The following GTF2I variants were observed in gnomAD, a reference collection of about 807,000 sequenced individuals.
The protein encoded by GTF2I is general transcription factor II-I.
GTF2I carries 12 observed loss-of-function variants against 67.6 expected under a neutral mutation model. The observed-to-expected ratio is 0.18, with a 90% confidence interval of 0.11 to 0.29. The LOEUF (loss-of-function observed/expected upper bound fraction) is 0.29. Among genes scored for constraint, GTF2I ranks in the 10% least tolerant of loss-of-function variants. The probability of loss-of-function intolerance (pLI) is 1.00; values close to 1 mark genes in which losing one functional copy is unlikely to be tolerated. For synonymous variants in GTF2I, 149 were observed against 197.0 expected, an observed-to-expected ratio of 0.76 and a Z score of 2.04; for missense variants, 271 against 580.1, an observed-to-expected ratio of 0.47 and a Z score of 5.47.
intron 12 of GTF2I, among the ~76,000 whole-genome samples, chr7:74,725,920 C>G (rs1554405589): frequency 6.7e-6 from 1 of 149,526 alleles, no homozygotes; most frequent in African/African-American, 2.5e-5. Context: ...CTATTGTGGT[C>G]TAAAATGTTT....
At chr7:74,720,126 T>G (rs1378931579) in intron 12 of GTF2I, among the ~76,000 whole-genome samples, 1 of 152,244 alleles carries the variant, frequency 6.6e-6, no homozygotes, top group Admixed American at 6.5e-5. Flanking sequence ...ATAATTGCAG[T>G]ACATATCTTG....
intron 7 of GTF2I, among the ~76,000 whole-genome samples, chr7:74,705,655 G>C (rs587713695): frequency 6.6e-6 from 1 of 151,712 alleles, no homozygotes; most frequent in South Asian, 2.1e-4. Context: ...ACCCCCTGCT[G>C]GGTTCAAGCG....
chr7:74,732,176 T>C (rs1346250197), intron 14 of GTF2I, among the ~76,000 whole-genome samples: 2 of 148,704 alleles, frequency 1.3e-5, no homozygotes, highest in East Asian at 3.9e-4. Flanking sequence ...CACATATACA[T>C]ATATATATAA....
chr7:74,670,699 CAAAAAAAAAACAA>C (rs1414519640), intron 1 of GTF2I, among the ~76,000 whole-genome samples: 10 of 91,032 alleles, frequency 1.1e-4, no homozygotes, highest in Non-Finnish European at 2.2e-4. Context: ...CAAAAAAAAA[CAAAAAAAAAACAA>C]AAAAAAAAAA....
chr7:74,714,873 T>G lies in GTF2I; in HGVS notation c.780T>G (p.Thr260=). ...ATCCCAAAGCAGGCCCTTCTGAAAC[T>G]GATGATGTTGATGAAAAACAGCCCC... ...QYNIQAGPSE[T]DDVDEKQPLS... The change falls in exon 10 of 35, where the codon ACT becomes ACG. Residue 260 remains threonine (T), a synonymous_variant. Coordinates refer to ENST00000573035, the MANE Select transcript of GTF2I (RefSeq NM_032999.4). 1 of 1,607,232 alleles carries G rather than the reference T, an allele frequency of 6.2e-7. No homozygotes were observed. The highest frequency in any genetic ancestry group is 1.1e-5 in the South Asian group (1 of 90,052).
intron 1 of GTF2I, among the ~76,000 whole-genome samples, chr7:74,670,585 G>A (rs1288151055): frequency 6.6e-6 from 1 of 151,140 alleles, no homozygotes; most frequent in Non-Finnish European, 1.5e-5. Flanking sequence ...GTAGTCCCAG[G>A]TACTCGAGGC....
intron 3 of GTF2I, among the ~76,000 whole-genome samples, chr7:74,695,873 TC>T (rs1328644497): frequency 6.6e-6 from 1 of 152,140 alleles, no homozygotes; most frequent in African/African-American, 2.4e-5. Flanking sequence ...ATTCTCCCCT[TC>T]CCTGTCCTGC....
intron 3 of GTF2I, among the ~76,000 whole-genome samples, chr7:74,694,469 C>T (rs756087922): frequency 6.6e-6 from 1 of 152,144 alleles, no homozygotes; most frequent in Non-Finnish European, 1.5e-5. Context: ...CACCTGTAGT[C>T]CCAGCTGCTC....
intron 6 of GTF2I, among the ~76,000 whole-genome samples, chr7:74,701,692 T>A (rs1562960911): frequency 6.6e-6 from 1 of 152,182 alleles, no homozygotes; most frequent in Non-Finnish European, 1.5e-5. Context: ...CTCGAACTCC[T>A]GACCTCAAAT....
At chr7:74,713,164 T>C (rs1194433051) in intron 9 of GTF2I, among the ~76,000 whole-genome samples, 1 of 102,568 alleles carries the variant, frequency 9.7e-6, no homozygotes, top group Non-Finnish European at 2.2e-5. Context: ...GTATTTTGAG[T>C]AAATACCAAC....
chr7:74,715,808 T>C (rs1792187728), intron 10 of GTF2I, among the ~76,000 whole-genome samples: 1 of 152,010 alleles, frequency 6.6e-6, no homozygotes. Flanking sequence ...CCCCAGATAA[T>C]TGTGACATGC....
intron 1 of GTF2I, among the ~76,000 whole-genome samples, chr7:74,677,522 G>T (rs1379799164): frequency 6.6e-6 from 1 of 151,590 alleles, no homozygotes; most frequent in Non-Finnish European, 1.5e-5. Context: ...GAATTGGTTG[G>T]CCAGGTGTGG....
intron 1 of GTF2I, among the ~76,000 whole-genome samples, chr7:74,662,204 CTTTTTTTTTTTTTTTT>C (rs59914241): frequency 8.5e-5 from 7 of 82,594 alleles, no homozygotes; most frequent in East Asian, 6.7e-4. Context: ...TTTTTTCTTT[CTTTTTTTTTTTTTTTT>C]TTTTTTTTTT....
intron 1 of GTF2I, among the ~76,000 whole-genome samples, chr7:74,680,079 C>CA (rs1225904374): frequency 0.024 from 720 of 30,538 alleles, 19 homozygotes; most frequent in East Asian, 0.058. Context: ...GAGTCCATCT[C>CA]AAAAAAAAAA....
chr7:74,750,103 C>G (rs1415799522), intron 26 of GTF2I, among the ~76,000 whole-genome samples: 1 of 102,944 alleles, frequency 9.7e-6, no homozygotes, highest in Non-Finnish European at 2.1e-5. Context: ...TTCAATTTCT[C>G]CTGTTTGCTT....
intron 6 of GTF2I, among the ~76,000 whole-genome samples, chr7:74,701,314 A>G (rs1789708855): frequency 6.6e-6 from 1 of 152,166 alleles, no homozygotes; most frequent in Non-Finnish European, 1.5e-5. Context: ...AATACTTTTA[A>G]ACATGTAACT....
chr7:74,686,894 T>G (rs1787787257), intron 1 of GTF2I, among the ~76,000 whole-genome samples: 1 of 151,518 alleles, frequency 6.6e-6, no homozygotes, highest in African/African-American at 2.4e-5. Context: ...GTTTTGTTTT[T>G]GTTTTTTTTT....
At chr7:74,700,503 G>C in intron 5 of GTF2I, 73 bp downstream of exon 5, 1 of 1,598,216 alleles carries the variant, frequency 6.3e-7, no homozygotes, top group African/African-American at 1.3e-5. Context: ...TTACGTTAAT[G>C]TATTTTTAAA....
chr7:74,717,035 T>C, intron 11 of GTF2I, 85 bp downstream of exon 11: 1 of 1,503,710 alleles, frequency 6.7e-7, no homozygotes, highest in Non-Finnish European at 9.0e-7. Flanking sequence ...TTAAAACACC[T>C]TATTTGGAAA....
Sources: allele counts gnomAD v4.1 joint callset (sites outside exome capture counted in the v4.1 genomes callset), GRCh38; gene constraint gnomAD v4.1.1; transcripts MANE v1.5; gene names NCBI Gene and HGNC (gene_info 2026-07-23, HGNC 2026-07-21).